The following LSP1 variants were observed in gnomAD, a reference collection of about 807,000 sequenced individuals.
The protein encoded by LSP1 is lymphocyte specific protein 1, also known as lymphocyte-specific protein 1.
In LSP1, 32 loss-of-function variants were observed where a neutral mutation model predicts 49.3. The ratio of observed to expected loss-of-function variants is 0.65; its 90% CI spans 0.49 to 0.87. The LOEUF is 0.87. LSP1 is among the 40% of genes least tolerant of loss of function. The pLI, the probability that LSP1 is intolerant of heterozygous loss-of-function variation, is 0.00. For missense variants in LSP1, 428 were observed against 442.6 expected (o/e 0.97, Z 0.30); for synonymous variants, 179 against 178.8 (o/e 1.00, Z -0.01).
At chr11:1,870,978 G>A in intron 1 of LSP1, 1 of 985,750 alleles carries the variant, frequency 1.0e-6, no homozygotes, top group Non-Finnish European at 1.2e-6. Flanking sequence ...GGACCTGTAG[G>A]TATCAGGGCT....
At chr11:1,866,968 G>C in intron 1 of LSP1, 2 of 1,425,636 alleles carry the variant, frequency 1.4e-6, no homozygotes, top group African/African-American at 1.4e-5. Flanking sequence ...CTCGGGGCCA[G>C]TCCCTGTGGA....
intron 1 of LSP1, chr11:1,876,551 T>G: frequency 1.0e-6 from 1 of 985,368 alleles, no homozygotes; most frequent in Non-Finnish European, 1.2e-6. Context: ...GACAGCCGGG[T>G]GGGGCAGCCA....
intron 1 of LSP1, among the ~76,000 whole-genome samples, chr11:1,873,573 A>T: frequency 6.7e-6 from 1 of 149,080 alleles, no homozygotes. Flanking sequence ...GGGAAGAAGG[A>T]AGAGGGAGGA....
intron 3 of LSP1, among the ~76,000 whole-genome samples, chr11:1,882,649 C>G (rs967020227): frequency 3.3e-5 from 5 of 152,072 alleles, no homozygotes; most frequent in Non-Finnish European, 7.4e-5. Flanking sequence ...TCCGTGGAGC[C>G]CAGCTCTGCG....
At position 1,884,578 on chromosome 11, in the gene LSP1, C is replaced by G; in HGVS notation, c.714C>G (p.Ile238Met). The change falls in exon 7 of 11, where the codon ATC becomes ATG. Residue 238 changes from isoleucine to methionine, a missense_variant. By Grantham distance (10) the Ile-to-Met change is conservative (BLOSUM62 1). Coordinates refer to ENST00000311604, the MANE Select transcript of LSP1 (RefSeq NM_002339.3). This position sits in a 1 kb window ranked among gnomAD's most constrained non-coding sequence, Gnocchi z 4.1. ...DQWLEQYTQA[I>M]ETAGRTPKLA... The stretch of plus-strand genomic sequence containing the variant: ...GGCTGGAACAATACACCCAGGCCAT[C>G]GAGGTATGACCTGGCTCCCCTCTGC... 1 of 1,613,570 alleles carries G rather than the reference C, an allele frequency of 6.2e-7. No individual in the cohort carries two copies.
intron 7 of LSP1, among the ~76,000 whole-genome samples, chr11:1,886,228 C>T (rs753868316): frequency 4.9e-4 from 74 of 151,962 alleles, no homozygotes; most frequent in African/African-American, 1.5e-3. Flanking sequence ...TGAACCAATA[C>T]GGCTCTATCC....
intron 1 of LSP1, chr11:1,870,991 T>C: frequency 1.0e-6 from 1 of 985,614 alleles, no homozygotes; most frequent in East Asian, 1.1e-4. Context: ...TCAGGGCTCC[T>C]TGGTCCCCTC....
chr11:1,859,998 T>G (rs571474992), intron 1 of LSP1, among the ~76,000 whole-genome samples: 1 of 152,088 alleles, frequency 6.6e-6, no homozygotes, highest in Non-Finnish European at 1.5e-5. Flanking sequence ...CGCAGGTATG[T>G]GTCGGGGATG....
rs1012537641 is a variant in LSP1, at chr11:1,865,256, T to A, written c.53+12059T>A. 1.1e-5 allele frequency: 11 copies of A among 985,034 alleles called. No individual in the cohort carries two copies. In the Admixed American group the frequency reaches 4.9e-4, roughly 44 times the overall value. The allele number at this position is 985,034 out of a possible 1,614,324, so 61.0% of individuals were successfully genotyped here. On this transcript the variant is annotated intron_variant, in intron 1 of 10. Transcript: ENST00000311604. ...CTCTAGCAGACAGGGCCTGGATACC[T>A]CTTGAGGTAGGTCCCTCCTGCCCTG...
chr11:1,877,115 C>T (rs1167183132), intron 1 of LSP1, among the ~76,000 whole-genome samples: 3 of 152,220 alleles, frequency 2.0e-5, no homozygotes, highest in African/African-American at 7.2e-5. Context: ...CTGACAGCTC[C>T]GTGGTGCATG....
chr11:1,865,150 T>A, intron 1 of LSP1: 1 of 979,920 alleles, frequency 1.0e-6, no homozygotes, highest in South Asian at 4.7e-5. Flanking sequence ...GATGCTGCTC[T>A]ATCCCCGGGG....
chr11:1,854,929 G>T (rs894681586), intron 1 of LSP1, among the ~76,000 whole-genome samples: 1 of 152,156 alleles, frequency 6.6e-6, no homozygotes, highest in African/African-American at 2.4e-5. Flanking sequence ...GATCCCCCGG[G>T]CCAGGAGCGG....
At chr11:1,866,492 C>T in intron 1 of LSP1, 1 of 1,494,090 alleles carries the variant, frequency 6.7e-7, no homozygotes, top group Non-Finnish European at 9.0e-7. Context: ...CGATCTGGTC[C>T]CCACCTGGCA....
intron 1 of LSP1, among the ~76,000 whole-genome samples, chr11:1,856,623 T>C (rs2133053490): frequency 6.6e-6 from 1 of 152,344 alleles, no homozygotes; most frequent in Middle Eastern, 3.4e-3. Context: ...GGGTTCCTTC[T>C]GGCCATCTGT....
At chr11:1,881,836 G>A (rs1379563599) in intron 3 of LSP1, among the ~76,000 whole-genome samples, 1 of 152,150 alleles carries the variant, frequency 6.6e-6, no homozygotes, top group Non-Finnish European at 1.5e-5. Flanking sequence ...CAGGAGGGGA[G>A]GGAGGAAGAG....
rs1317291397 is a variant in LSP1, at chr11:1,884,590, T to A, written c.717+9T>A. The A allele has an allele frequency of 6.2e-6, 10 of 1,612,974 alleles. No homozygotes were observed. The highest frequency in any genetic ancestry group is 1.7e-4 in the Middle Eastern group (1 of 6,048). ...ACACCCAGGCCATCGAGGTATGACC[T>A]GGCTCCCCTCTGCTGTCAGGTCCCT... On this transcript the variant is annotated intron_variant, in intron 7 of 10. Transcript: ENST00000311604. This position sits in a 1 kb window ranked among gnomAD's most constrained non-coding sequence, Gnocchi z 4.1.
At chr11:1,878,831 C>T (rs550246255) in intron 1 of LSP1, among the ~76,000 whole-genome samples, 11 of 152,182 alleles carry the variant, frequency 7.2e-5, no homozygotes, top group African/African-American at 2.6e-4. Context: ...CCCTCTCAGG[C>T]TCTAGGAGGG....
chr11:1,891,207 G>T (rs1442129099), intron 10 of LSP1: 1 of 152,638 alleles, frequency 6.6e-6, no homozygotes, highest in Non-Finnish European at 1.5e-5. Flanking sequence ...GGATATTCCC[G>T]CAGACCTCCT....
At position 1,873,118 on chromosome 11, in the gene LSP1, G is replaced by A. The variant is rs1848113882; in HGVS notation, c.54-6969G>A. On this transcript the variant is annotated intron_variant, in intron 1 of 10. Coordinates refer to ENST00000311604, the MANE Select transcript of LSP1 (RefSeq NM_002339.3). Reference sequence around the variant, plus strand: ...AGGTGGAGGCAGGGGGCAGAGACAAGCCTCAGGTCATCAAGAGTTGAGGGC... The same window carrying A: ...AGGTGGAGGCAGGGGGCAGAGACAAACCTCAGGTCATCAAGAGTTGAGGGC... Among the ~76,000 whole-genome samples, 4 of 151,310 alleles carry A rather than the reference G, an allele frequency of 2.6e-5. No individual in the cohort carries two copies. The South Asian group carries it at 8.4e-4, about 32-fold the overall frequency.
Sources: allele counts gnomAD v4.1 joint callset (sites outside exome capture counted in the v4.1 genomes callset), GRCh38; gene constraint gnomAD v4.1.1; non-coding constraint Gnocchi (gnomAD v3.1); transcripts MANE v1.5; gene names NCBI Gene and HGNC (gene_info 2026-07-23, HGNC 2026-07-21).